The following WWOX variants were observed in gnomAD, a reference collection of about 807,000 sequenced individuals.
WWOX encodes the protein WW domain-containing oxidoreductase.
Under a neutral mutation model 46.2 loss-of-function variants are expected in WWOX, and 69 were observed. The observed-to-expected ratio is 1.49, with a 90% confidence interval of 1.23 to 1.82. The LOEUF is 1.82. Ranked by LOEUF, WWOX falls within the 40% of genes most tolerant of loss-of-function variation. WWOX has a pLI of 0.00. For synonymous variants in WWOX, 359 were observed against 202.6 expected, an observed-to-expected ratio of 1.77 and a Z score of -6.56; for missense variants, 919 against 542.6, an observed-to-expected ratio of 1.69 and a Z score of -6.89.
chr16:78,946,607 G>A (rs892257969), intron 8 of WWOX, among the ~76,000 whole-genome samples: 2 of 152,166 alleles, frequency 1.3e-5, no homozygotes, highest in African/African-American at 2.4e-5. Context: ...GGAAGACAGA[G>A]TTTCTTTCTG....
intron 8 of WWOX, among the ~76,000 whole-genome samples, chr16:78,659,354 G>A (rs534669866): frequency 7.9e-5 from 12 of 152,100 alleles, no homozygotes; most frequent in South Asian, 2.1e-4. Context: ...TCAAAGGCTC[G>A]TCCCCAAGCG....
intron 8 of WWOX, among the ~76,000 whole-genome samples, chr16:78,714,907 A>T (rs1388624365): frequency 1.3e-5 from 2 of 152,202 alleles, no homozygotes; most frequent in African/African-American, 2.4e-5. Context: ...GTGATATATG[A>T]AATGACATGT....
intron 8 of WWOX, among the ~76,000 whole-genome samples, chr16:79,157,427 A>G (rs1218074367): frequency 6.8e-6 from 1 of 146,818 alleles, no homozygotes; most frequent in African/African-American, 2.7e-5. Flanking sequence ...ATGGCCAAAA[A>G]AAAAAAAAAG....
In WWOX at chr16:78,127,555, A is replaced by G. The variant is rs1400332664; in HGVS notation, c.409+12401A>G. ...CCACCGAGACGAGGTTATTTTTGTT[A>G]CAGTCAAGGAACAAAAAGGGATATA... is the stretch of plus-strand genomic sequence containing the variant. On this transcript the variant is annotated intron_variant, in intron 4 of 8. Transcript: ENST00000566780. 2.7e-5 allele frequency among the ~76,000 whole-genome samples: 4 copies of G among 148,322 alleles called. No individual in the cohort carries two copies. In the Admixed American group the frequency reaches 2.7e-4, roughly 10 times the overall value.
At chr16:78,884,803 A>C (rs984337574) in intron 8 of WWOX, among the ~76,000 whole-genome samples, 2 of 152,190 alleles carry the variant, frequency 1.3e-5, no homozygotes, top group Non-Finnish European at 2.9e-5. Context: ...TTTTGCATGT[A>C]TATTTTACTC....
chr16:78,814,063 A>G (rs1452891740), intron 8 of WWOX, among the ~76,000 whole-genome samples: 1 of 152,164 alleles, frequency 6.6e-6, no homozygotes, highest in Non-Finnish European at 1.5e-5. Flanking sequence ...ACTTACCAAT[A>G]CTGCCCAGGC....
At position 78,556,188 on chromosome 16, in the gene WWOX, C is replaced by T. The variant is rs140043286; in HGVS notation, c.1056+123436C>T. Among the ~76,000 whole-genome samples, 28 of 151,208 alleles carry T rather than the reference C, an allele frequency of 1.9e-4. No individual in the cohort carries two copies. The East Asian group carries it at 5.5e-3, about 30-fold the overall frequency. On this transcript the variant is annotated intron_variant, in intron 8 of 8. Transcript: ENST00000566780. ...CCCTCCTTATAATTTTCTGCTTTAA[C>T]AGCAAATGCCAGCCTATCGTGCATC...
intron 8 of WWOX, among the ~76,000 whole-genome samples, chr16:78,791,797 T>C (rs2142599005): frequency 6.6e-6 from 1 of 152,088 alleles, no homozygotes; most frequent in African/African-American, 2.4e-5. Context: ...GGAGAATCAC[T>C]TGAACCGGAG....
At chr16:78,292,444 A>G (rs2079875287) in intron 5 of WWOX, among the ~76,000 whole-genome samples, 1 of 152,232 alleles carries the variant, frequency 6.6e-6, no homozygotes, top group African/African-American at 2.4e-5. Context: ...AATTAACCCA[A>G]TAAAAATGGT....
intron 8 of WWOX, among the ~76,000 whole-genome samples, chr16:78,823,577 A>G (rs1335044973): frequency 6.6e-6 from 1 of 152,190 alleles, no homozygotes; most frequent in Non-Finnish European, 1.5e-5. Context: ...TGTTTAATAA[A>G]GGCTTCATCT....
At chr16:78,808,048 G>A (rs530858671) in intron 8 of WWOX, among the ~76,000 whole-genome samples, 2 of 152,260 alleles carry the variant, frequency 1.3e-5, no homozygotes, top group East Asian at 3.9e-4. Context: ...TTTCCCCACA[G>A]ACATTTGTGC....
chr16:79,061,800 G>A (rs1255150507), intron 8 of WWOX, among the ~76,000 whole-genome samples: 1 of 149,828 alleles, frequency 6.7e-6, no homozygotes, highest in Non-Finnish European at 1.5e-5. Flanking sequence ...ATGCCTCTAT[G>A]TCAGGCTCTG....
intron 8 of WWOX, among the ~76,000 whole-genome samples, chr16:78,723,362 C>G (rs1013894668): frequency 2.6e-5 from 4 of 152,062 alleles, no homozygotes; most frequent in African/African-American, 9.7e-5. Flanking sequence ...AGAGCCTTCC[C>G]CTATGAGAAG....
chr16:79,179,967 G>C (rs992381907), intron 8 of WWOX, among the ~76,000 whole-genome samples: 3 of 152,188 alleles, frequency 2.0e-5, no homozygotes, highest in African/African-American at 7.2e-5. Flanking sequence ...CAAGACTTAA[G>C]TCCATGTTAC....
chr16:78,604,994 C>T (rs1325860111), intron 8 of WWOX, among the ~76,000 whole-genome samples: 1 of 113,534 alleles, frequency 8.8e-6, no homozygotes, highest in African/African-American at 3.5e-5. Context: ...CCCTCCCTCA[C>T]TCCCTCCTTC....
intron 8 of WWOX, among the ~76,000 whole-genome samples, chr16:78,615,843 C>T (rs796563578): frequency 3.8e-4 from 58 of 151,816 alleles, no homozygotes; most frequent in African/African-American, 1.3e-3. Context: ...CTCCGCCTCC[C>T]GAGTTCACGC....
chr16:78,682,967 C>T (rs1275787711), intron 8 of WWOX, among the ~76,000 whole-genome samples: 1 of 152,116 alleles, frequency 6.6e-6, no homozygotes. Context: ...ATGAATGATT[C>T]TGTGAGGATA....
intron 1 of WWOX, among the ~76,000 whole-genome samples, chr16:78,106,456 A>G (rs2032154932): frequency 1.4e-5 from 2 of 140,474 alleles, no homozygotes; most frequent in East Asian, 2.1e-4. Flanking sequence ...GAGTTTCACA[A>G]TTGTTGCCCA....
intron 6 of WWOX, among the ~76,000 whole-genome samples, chr16:78,408,659 C>T (rs146709532): frequency 4.6e-4 from 70 of 152,282 alleles, no homozygotes; most frequent in African/African-American, 1.4e-3. Context: ...TTGTGCCTGT[C>T]GTCTTGACCT....
Sources: gnomAD v4.1 joint callset for allele counts (sites outside exome capture counted in the v4.1 genomes callset) on GRCh38, gnomAD v4.1.1 for gene constraint, MANE v1.5 for transcripts, NCBI Gene and HGNC (gene_info 2026-07-23, HGNC 2026-07-21) for gene names.